The following ATP2C1 variants were observed in gnomAD, a reference collection of about 807,000 sequenced individuals.
The protein encoded by ATP2C1 is ATPase secretory pathway Ca2+ transporting 1.
Under a neutral mutation model 120.5 loss-of-function variants are expected in ATP2C1, and 31 were observed. That is an observed-to-expected ratio of 0.26 (90% CI 0.19 to 0.35). The LOEUF (loss-of-function observed/expected upper bound fraction) is 0.35. ATP2C1 is among the 10% of genes least tolerant of loss of function. The probability of loss-of-function intolerance (pLI) is 1.00; values close to 1 mark genes in which losing one functional copy is unlikely to be tolerated. For synonymous variants in ATP2C1, 351 were observed against 358.7 expected (o/e 0.98, Z 0.24); for missense variants, 731 against 1,107.5 (o/e 0.66, Z 4.83).
At chr3:130,875,699 C>G (rs2068578544) in intron 1 of ATP2C1, among the ~76,000 whole-genome samples, 1 of 152,216 alleles carries the variant, frequency 6.6e-6, no homozygotes, top group Non-Finnish European at 1.5e-5. Context: ...AACCTCCATA[C>G]TGTTTTCCAT....
rs556734146 is a variant in ATP2C1, at chr3:130,985,491, G to T, written c.1839+4812G>T. 1.7e-4 allele frequency among the ~76,000 whole-genome samples: 26 copies of T among 152,028 alleles called. No individual in the cohort carries two copies. The East Asian group carries it at 4.8e-3, about 28-fold the overall frequency. On this transcript the variant is annotated intron_variant, in intron 20 of 27. Coordinates refer to ENST00000510168, the MANE Select transcript of ATP2C1 (RefSeq NM_001378687.1). ...CTACTAAAAATACAAAAATTAGCTG[G>T]GTGTGGTGGTGGGCGCCTGTAATCC...
chr3:130,954,765 G>A (rs181018301), intron 9 of ATP2C1, among the ~76,000 whole-genome samples: 427 of 152,274 alleles, frequency 2.8e-3, no homozygotes, highest in Non-Finnish European at 3.9e-3. Context: ...GGCATTATAG[G>A]CGTGAGCCAC....
exon 1 of ATP2C1, chr3:130,850,821 A>G (rs2067652284): frequency 2.1e-6 from 3 of 1,429,682 alleles, no homozygotes; most frequent in Non-Finnish European, 2.8e-6. Context: ...TTTCCTCACT[A>G]TGGATAGTCT....
At chr3:130,926,264 C>T (rs1217296745) in intron 2 of ATP2C1, among the ~76,000 whole-genome samples, 1 of 152,180 alleles carries the variant, frequency 6.6e-6, no homozygotes, top group Non-Finnish European at 1.5e-5. Flanking sequence ...GTCCTGCCTC[C>T]TATCCACCAT....
chr3:130,936,816 C>CA (rs34156218), intron 5 of ATP2C1, among the ~76,000 whole-genome samples: 47,448 of 77,586 alleles, frequency 0.61, 14,703 homozygotes, highest in East Asian at 0.74. Context: ...GACTCTGTCT[C>CA]AAAAAAAAAA....
At chr3:130,905,229 A>G (rs979784627) in intron 2 of ATP2C1, among the ~76,000 whole-genome samples, 1 of 152,018 alleles carries the variant, frequency 6.6e-6, no homozygotes, top group Non-Finnish European at 1.5e-5. Flanking sequence ...CTAGCAGTGT[A>G]TATGTTTGGT....
At chr3:130,950,319 T>G (rs553282580) in intron 8 of ATP2C1, among the ~76,000 whole-genome samples, 2 of 152,288 alleles carry the variant, frequency 1.3e-5, no homozygotes, top group African/African-American at 4.8e-5. Context: ...TTCTTGTTCA[T>G]TAACAGGTCT....
intron 16 of ATP2C1, among the ~76,000 whole-genome samples, chr3:130,969,019 G>GTA (rs1163713336): frequency 2.0e-5 from 3 of 152,154 alleles, no homozygotes; most frequent in African/African-American, 7.2e-5. Flanking sequence ...ATTTGAGTGG[G>GTA]TAGAGGGATT....
At chr3:130,905,146 A>G (rs1426795938) in intron 2 of ATP2C1, among the ~76,000 whole-genome samples, 1 of 152,004 alleles carries the variant, frequency 6.6e-6, no homozygotes, top group Non-Finnish European at 1.5e-5. Flanking sequence ...ATATCTAGAA[A>G]CCAAGATCTG....
chr3:130,949,888 T>A (rs974303020), intron 8 of ATP2C1, among the ~76,000 whole-genome samples: 2 of 152,132 alleles, frequency 1.3e-5, no homozygotes, highest in Non-Finnish European at 2.9e-5. Context: ...CAGGTGAATA[T>A]TTTGGAAGAT....
At chr3:130,911,026 G>A (rs374722611) in intron 2 of ATP2C1, among the ~76,000 whole-genome samples, 1 of 151,558 alleles carries the variant, frequency 6.6e-6, no homozygotes, top group African/African-American at 2.4e-5. Context: ...AGGAATGGTA[G>A]CAGTTCCTCC....
At chr3:130,924,734 A>T (rs1418851240) in intron 2 of ATP2C1, among the ~76,000 whole-genome samples, 1 of 152,102 alleles carries the variant, frequency 6.6e-6, no homozygotes, top group Non-Finnish European at 1.5e-5. Context: ...TTTAACGTAG[A>T]CCCAGCCTTC....
chr3:130,850,796 C>G, exon 1 of ATP2C1: 1 of 1,214,528 alleles, frequency 8.2e-7, no homozygotes. Flanking sequence ...GAGGTGCAGA[C>G]AAGGACCCTC....
chr3:130,912,506 T>G (rs1291596282), intron 2 of ATP2C1, among the ~76,000 whole-genome samples: 1 of 147,512 alleles, frequency 6.8e-6, no homozygotes, highest in East Asian at 2.0e-4. Context: ...GAAAAAATGC[T>G]CATCATCACT....
intron 2 of ATP2C1, among the ~76,000 whole-genome samples, chr3:130,901,932 C>G (rs1479027748): frequency 6.6e-6 from 1 of 152,010 alleles, no homozygotes; most frequent in Non-Finnish European, 1.5e-5. Flanking sequence ...CTACTGGCAT[C>G]CAGTGTGTAG....
intron 1 of ATP2C1, chr3:130,868,418 G>T (rs1281318610): frequency 2.3e-5 from 3 of 128,130 alleles, no homozygotes; most frequent in African/African-American, 8.5e-5. Flanking sequence ...GTCCGGGAGG[G>T]AGGTGGGGGG....
At chr3:130,893,678 G>A (rs1371524250), upstream of ATP2C1, among the ~76,000 whole-genome samples, 1 of 152,232 alleles carries the variant, frequency 6.6e-6, no homozygotes, top group Non-Finnish European at 1.5e-5. Flanking sequence ...CGGGGACAGC[G>A]GCCATGACTC....
At chr3:130,902,984 A>T (rs953095468) in intron 2 of ATP2C1, among the ~76,000 whole-genome samples, 1 of 151,944 alleles carries the variant, frequency 6.6e-6, no homozygotes, top group Admixed American at 6.6e-5. Context: ...TCTCATTTTT[A>T]GGGAGTCACT....
At chr3:130,936,785 C>T (rs1233072782) in intron 5 of ATP2C1, among the ~76,000 whole-genome samples, 2 of 146,134 alleles carry the variant, frequency 1.4e-5, no homozygotes, top group Non-Finnish European at 3.0e-5. Context: ...CCCCTGCACA[C>T]CAGCCTGGGC....
Sources: allele counts gnomAD v4.1 joint callset (sites outside exome capture counted in the v4.1 genomes callset), GRCh38; gene constraint gnomAD v4.1.1; transcripts MANE v1.5; gene names NCBI Gene and HGNC (gene_info 2026-07-23, HGNC 2026-07-21).